The following GLCCI1 variants were observed in gnomAD, a reference collection of about 807,000 sequenced individuals.
The protein encoded by GLCCI1 is glucocorticoid induced 1.
In GLCCI1, 24 loss-of-function variants were observed where a neutral mutation model predicts 52.2. That is an observed-to-expected ratio of 0.46 (90% confidence interval 0.33 to 0.65). GLCCI1 has a LOEUF of 0.65. Ranked by LOEUF, GLCCI1 falls within the 30% of genes least tolerant of loss-of-function variation. The probability of loss-of-function intolerance (pLI) is 0.02; values close to 1 mark genes in which losing one functional copy is unlikely to be tolerated. For missense variants in GLCCI1, 704 were observed against 701.5 expected, an observed-to-expected ratio of 1.00 and a Z score of -0.04; for synonymous variants, 310 against 276.5, an observed-to-expected ratio of 1.12 and a Z score of -1.20.
rs767126662 is a variant in GLCCI1, at chr7:8,055,504, C to T, written c.768C>T (p.Arg256=). Residue 256 remains arginine (R), a synonymous_variant, in exon 4 of 8, where the codon CGC becomes CGT. Coordinates refer to ENST00000223145, the MANE Select transcript of GLCCI1 (RefSeq NM_138426.4). The part of the protein sequence containing the change: ...QSSRHSKEKD[R]QSPLHGNHIT... ...GTCGTCACAGTAAGGAGAAAGATCG[C>T]CAGTCACCTCTTCATGGCAACCATA... The T allele has an allele frequency of 3.1e-6, 5 of 1,613,624 alleles. No individual in the cohort carries two copies. In the Admixed American group the frequency reaches 6.7e-5, roughly 22 times the overall value.
chr7:8,000,833 C>T (rs1169961670), intron 1 of GLCCI1, among the ~76,000 whole-genome samples: 1 of 152,106 alleles, frequency 6.6e-6, no homozygotes, highest in Non-Finnish European at 1.5e-5. Context: ...GGTTTAAAGT[C>T]TGTTTTATCA....
At chr7:8,022,193 A>T (rs1400915961) in intron 2 of GLCCI1, among the ~76,000 whole-genome samples, 5 of 152,180 alleles carry the variant, frequency 3.3e-5, no homozygotes, top group South Asian at 2.1e-4. Context: ...ACCAATACAC[A>T]TATCTTTACT....
chr7:8,085,071 C>G (rs1783074669), intron 7 of GLCCI1, 54 bp downstream of exon 7: 1 of 1,600,632 alleles, frequency 6.2e-7, no homozygotes, highest in African/African-American at 1.3e-5. Context: ...AAGCTTTTTA[C>G]TGAGACCAGT....
chr7:8,062,820 T>C (rs562699904), intron 5 of GLCCI1, among the ~76,000 whole-genome samples: 2 of 152,366 alleles, frequency 1.3e-5, no homozygotes, highest in Admixed American at 1.3e-4. Flanking sequence ...TATGGCTGCA[T>C]AGTATTCCAT....
chr7:8,077,653 A>T (rs566223338), intron 6 of GLCCI1, among the ~76,000 whole-genome samples: 1 of 127,506 alleles, frequency 7.8e-6, no homozygotes, highest in Admixed American at 8.0e-5. Context: ...ATTATTTCCA[A>T]TATTACCACA....
chr7:8,016,082 T>C (rs1157304110), intron 2 of GLCCI1, among the ~76,000 whole-genome samples: 2 of 152,262 alleles, frequency 1.3e-5, no homozygotes, highest in Admixed American at 1.3e-4. Flanking sequence ...CAACCTGTTA[T>C]ATCTTGTATC....
chr7:8,081,602 T>C (rs2127968796), intron 6 of GLCCI1, among the ~76,000 whole-genome samples: 1 of 152,294 alleles, frequency 6.6e-6, no homozygotes, highest in Non-Finnish European at 1.5e-5. Context: ...CCAGATATAA[T>C]AAAAATCAGA....
At chr7:8,069,394 A>G (rs11972865) in intron 5 of GLCCI1, among the ~76,000 whole-genome samples, 5,930 of 152,046 alleles carry the variant, frequency 0.039, 148 homozygotes, top group Non-Finnish European at 0.057. Context: ...CTTTCCTAGT[A>G]CAAGGGTAGC....
chr7:8,067,781 A>G (rs1205996309), intron 5 of GLCCI1, among the ~76,000 whole-genome samples: 2 of 151,846 alleles, frequency 1.3e-5, no homozygotes, highest in Non-Finnish European at 2.9e-5. Context: ...TGCCTTTAAC[A>G]TTTTTTCTTT....
intron 6 of GLCCI1, among the ~76,000 whole-genome samples, chr7:8,083,112 A>AT (rs1383283556): frequency 1.3e-5 from 2 of 152,080 alleles, no homozygotes; most frequent in African/African-American, 4.8e-5. Context: ...ATCTACTTGT[A>AT]TTTTTTTATT....
intron 2 of GLCCI1, among the ~76,000 whole-genome samples, chr7:8,009,949 TA>T (rs1490693242): frequency 1.3e-5 from 2 of 151,754 alleles, no homozygotes; most frequent in Non-Finnish European, 2.9e-5. Flanking sequence ...TTTTTTTTCT[TA>T]GAGTTTTGCC....
intron 3 of GLCCI1, among the ~76,000 whole-genome samples, chr7:8,044,231 C>T (rs1009128350): frequency 1.3e-5 from 2 of 152,202 alleles, no homozygotes; most frequent in Non-Finnish European, 2.9e-5. Context: ...AGACATGAGC[C>T]ACCGTGCCTG....
intron 3 of GLCCI1, among the ~76,000 whole-genome samples, chr7:8,040,427 A>G (rs1216630024): frequency 3.3e-5 from 5 of 151,362 alleles, no homozygotes; most frequent in Non-Finnish European, 5.9e-5. Context: ...TTGAGACTGC[A>G]GTGGACTATC....
intron 2 of GLCCI1, among the ~76,000 whole-genome samples, chr7:8,019,289 G>A (rs7796831): frequency 6.6e-6 from 1 of 151,964 alleles, no homozygotes; most frequent in East Asian, 1.9e-4. Flanking sequence ...GACTAAGGAA[G>A]TTTAGTTTTA....
At chr7:8,051,128 T>A (rs966097122) in intron 3 of GLCCI1, among the ~76,000 whole-genome samples, 8 of 152,248 alleles carry the variant, frequency 5.3e-5, no homozygotes, top group Non-Finnish European at 8.8e-5. Flanking sequence ...CATGTTGAAT[T>A]ATAATTTGTT....
At chr7:8,053,497 ATT>A (rs35685744) in intron 3 of GLCCI1, among the ~76,000 whole-genome samples, 26 of 111,998 alleles carry the variant, frequency 2.3e-4, no homozygotes, top group East Asian at 2.5e-4. Flanking sequence ...TAATTTTTGT[ATT>A]TTTTTTTTTT....
intron 6 of GLCCI1, among the ~76,000 whole-genome samples, chr7:8,073,600 T>C (rs1034852799): frequency 9.2e-5 from 14 of 152,182 alleles, no homozygotes; most frequent in African/African-American, 3.1e-4. Flanking sequence ...CTTAGTAAAA[T>C]AGGGTAATAA....
At chr7:8,011,499 TA>T (rs1038526429) in intron 2 of GLCCI1, among the ~76,000 whole-genome samples, 3 of 152,178 alleles carry the variant, frequency 2.0e-5, no homozygotes, top group Non-Finnish European at 1.5e-5. Context: ...AGCAGAATAA[TA>T]TTCCATTAGA....
chr7:8,056,123 C>T (rs539387006), intron 4 of GLCCI1, among the ~76,000 whole-genome samples: 61 of 151,984 alleles, frequency 4.0e-4, no homozygotes, highest in Middle Eastern at 3.2e-3. Context: ...CATAGTGAAA[C>T]CCCATCTCTA....
Sources: allele counts gnomAD v4.1 joint callset (sites outside exome capture counted in the v4.1 genomes callset), GRCh38; gene constraint gnomAD v4.1.1; transcripts MANE v1.5; gene names NCBI Gene and HGNC (gene_info 2026-07-23, HGNC 2026-07-21).